CPNE8: variants seen among roughly 807,000 people sequenced by gnomAD.
CPNE8 encodes the protein copine 8, also known as copine-8.
In CPNE8, 45 loss-of-function variants were observed where a neutral mutation model predicts 81.5. That is an observed-to-expected ratio of 0.55 (90% CI 0.44 to 0.71). The LOEUF (loss-of-function observed/expected upper bound fraction) is 0.71. Among genes scored for constraint, CPNE8 ranks in the 30% least tolerant of loss-of-function variants. The pLI, the probability that CPNE8 is intolerant of heterozygous loss-of-function variation, is 0.00. For missense variants in CPNE8, 594 were observed against 672.1 expected, an observed-to-expected ratio of 0.88 and a Z score of 1.28; for synonymous variants, 252 against 226.3, an observed-to-expected ratio of 1.11 and a Z score of -1.02.
Position 38,867,364 on chromosome 12 carries a change from G to GAC in CPNE8, c.186+5639_186+5640insGT, listed in dbSNP as rs1361451884. Among the ~76,000 whole-genome samples, 348 of 148,220 alleles carry GAC rather than the reference G, an allele frequency of 2.3e-3. 2 individuals are homozygous for GAC. Among genetic ancestry groups the GAC allele is most frequent in the Non-Finnish European group, 2.9e-3 (198 of 67,468 alleles). ...TGAGAGAGAGAGAGAGAGAGAGAGA[G>GAC]AGAGACAGAGAGAGAGAGAGAGATA... is the stretch of plus-strand genomic sequence containing the variant. On this transcript the variant is annotated intron_variant, in intron 3 of 19. Transcript: ENST00000331366.
At chr12:38,708,128 ATACT>A (rs1940159377) in intron 13 of CPNE8, among the ~76,000 whole-genome samples, 1 of 152,202 alleles carries the variant, frequency 6.6e-6, no homozygotes, top group African/African-American at 2.4e-5. Context: ...ATTATAATAC[ATACT>A]TACTAAATCA....
chr12:38,782,878 C>G (rs541260512), intron 6 of CPNE8, among the ~76,000 whole-genome samples: 2 of 152,100 alleles, frequency 1.3e-5, no homozygotes, highest in South Asian at 4.2e-4. Flanking sequence ...CAGGGTCTCA[C>G]TATGTTGCCT....
chr12:38,838,073 A>G (rs373962180), intron 5 of CPNE8, among the ~76,000 whole-genome samples: 1 of 152,084 alleles, frequency 6.6e-6, no homozygotes, highest in Admixed American at 6.5e-5. Flanking sequence ...ACTTAAGGCA[A>G]CTCCACTGAT....
intron 3 of CPNE8, among the ~76,000 whole-genome samples, chr12:38,868,196 C>T (rs1943943102): frequency 6.6e-6 from 1 of 151,946 alleles, no homozygotes; most frequent in Admixed American, 6.6e-5. Flanking sequence ...TACAGATATA[C>T]CAAAATTGCT....
chr12:38,806,479 T>A (rs1942807004), intron 6 of CPNE8, among the ~76,000 whole-genome samples: 1 of 150,118 alleles, frequency 6.7e-6, no homozygotes, highest in Admixed American at 6.6e-5. Flanking sequence ...ATCCAGCATA[T>A]AAACACAACC....
chr12:38,808,660 A>G (rs986763013), intron 6 of CPNE8, among the ~76,000 whole-genome samples: 3 of 151,058 alleles, frequency 2.0e-5, no homozygotes, highest in Non-Finnish European at 4.4e-5. Context: ...GCTAAATGAC[A>G]AGTTAATGGG....
chr12:38,821,139 A>G (rs1943104101), intron 6 of CPNE8, among the ~76,000 whole-genome samples: 1 of 152,188 alleles, frequency 6.6e-6, no homozygotes, highest in Non-Finnish European at 1.5e-5. Flanking sequence ...AAAATACTAA[A>G]AATGACCTAC....
At chr12:38,736,297 T>C (rs1684415) in intron 10 of CPNE8, among the ~76,000 whole-genome samples, 82,825 of 150,322 alleles carry the variant, frequency 0.55, 23,394 homozygotes, top group East Asian at 0.81. Flanking sequence ...TCTATTATGA[T>C]TATTGAATAT....
chr12:38,791,770 A>G (rs554034775), intron 6 of CPNE8, among the ~76,000 whole-genome samples: 13 of 151,798 alleles, frequency 8.6e-5, no homozygotes, highest in African/African-American at 3.1e-4. Context: ...TCACTCAATA[A>G]CAATGAATAT....
intron 6 of CPNE8, among the ~76,000 whole-genome samples, chr12:38,787,512 A>G (rs1309141229): frequency 1.3e-5 from 2 of 151,674 alleles, no homozygotes; most frequent in African/African-American, 4.8e-5. Context: ...AAAAACTTCA[A>G]ATGAACAATC....
chr12:38,719,991 T>A (rs921967075), intron 13 of CPNE8, among the ~76,000 whole-genome samples: 5 of 152,198 alleles, frequency 3.3e-5, no homozygotes, highest in Non-Finnish European at 7.4e-5. Context: ...AAATCAGAAC[T>A]GGGTTCTTTT....
In CPNE8 at chr12:38,724,355, G is replaced by T. The variant is rs1156805176; in HGVS notation, c.852+491C>A. 7.6e-5 allele frequency among the ~76,000 whole-genome samples: 4 copies of T among 52,932 alleles called. No individual in the cohort carries two copies. The Admixed American group carries it at 1.1e-3, about 14-fold the overall frequency. The allele number at this position is 52,932 out of a possible 152,430, so 34.7% of individuals were successfully genotyped here. On this transcript the variant is annotated intron_variant, in intron 12 of 19. Coordinates refer to ENST00000331366, the MANE Select transcript of CPNE8 (RefSeq NM_153634.3). The stretch of plus-strand genomic sequence containing the variant: ...TCTGCAGTATTTTTTCTTAAAATAG[G>T]ATGATATTGATTTTTTTTATATTTT...
At chr12:38,655,158 C>A (rs1050404907) in intron 19 of CPNE8, among the ~76,000 whole-genome samples, 2 of 152,044 alleles carry the variant, frequency 1.3e-5, no homozygotes, top group African/African-American at 2.4e-5. Context: ...TGTGGTTTTT[C>A]AATGGCAAAA....
At chr12:38,741,516 A>G in intron 10 of CPNE8, among the ~76,000 whole-genome samples, 1 of 152,214 alleles carries the variant, frequency 6.6e-6, no homozygotes, top group East Asian at 1.9e-4. Context: ...CTTACACCTT[A>G]TACAAAAATT....
chr12:38,839,920 T>C lies in CPNE8; in HGVS notation c.326A>G (p.Lys109Arg), dbSNP rs994839163. The change falls in exon 5 of 20, where the codon AAA becomes AGA. Residue 109 changes from lysine to arginine, a missense_variant. By Grantham distance (26) the Lys-to-Arg change is conservative (BLOSUM62 2). Coordinates refer to ENST00000331366, the MANE Select transcript of CPNE8 (RefSeq NM_153634.3). ...DVDSKSPNLS[K>R]HDFLGQVFCT... Reference sequence around the variant, plus strand: ...AACATAAAAATATGAACTTACATGTTTGGATAAGTTGGGGCTCTTTGAATC... The same window carrying C: ...AACATAAAAATATGAACTTACATGTCTGGATAAGTTGGGGCTCTTTGAATC... 1 of 1,577,304 alleles carries C rather than the reference T, an allele frequency of 6.3e-7. No homozygotes were observed. The highest frequency in any genetic ancestry group is 1.3e-5 in the African/African-American group (1 of 74,194).
intron 3 of CPNE8, among the ~76,000 whole-genome samples, chr12:38,858,642 C>T (rs990327198): frequency 6.6e-6 from 1 of 152,138 alleles, no homozygotes; most frequent in African/African-American, 2.4e-5. Context: ...TGACATGGCA[C>T]ATTGGTAGAC....
intron 1 of CPNE8, among the ~76,000 whole-genome samples, chr12:38,882,926 G>T (rs755577077): frequency 2.0e-5 from 3 of 152,036 alleles, no homozygotes; most frequent in African/African-American, 4.8e-5. Context: ...CCCCTTTCCT[G>T]CTAGGAAATG....
At chr12:38,739,140 G>A (rs149014404) in intron 10 of CPNE8, among the ~76,000 whole-genome samples, 1 of 151,954 alleles carries the variant, frequency 6.6e-6, no homozygotes, top group African/African-American at 2.4e-5. Flanking sequence ...TGATTTATGG[G>A]GAAACAAACT....
intron 19 of CPNE8, among the ~76,000 whole-genome samples, chr12:38,664,437 C>G (rs1033794890): frequency 4.6e-5 from 7 of 151,866 alleles, no homozygotes; most frequent in Admixed American, 2.0e-4. Context: ...CAATATAAAG[C>G]AATTTGTTAA....
Sources: gnomAD v4.1 joint callset for allele counts (sites outside exome capture counted in the v4.1 genomes callset) on GRCh38, gnomAD v4.1.1 for gene constraint, MANE v1.5 for transcripts, NCBI Gene and HGNC (gene_info 2026-07-23, HGNC 2026-07-21) for gene names.